The following RNF152 variants were observed in gnomAD, a reference collection of about 807,000 sequenced individuals.
RNF152 encodes the protein E3 ubiquitin-protein ligase RNF152.
A neutral mutation model predicts 12.7 loss-of-function variants in RNF152; 11 were observed. That is an observed-to-expected ratio of 0.86 (90% CI 0.54 to 1.43). RNF152 has a LOEUF of 1.43. RNF152 is among the 40% of genes most tolerant of loss of function. The pLI is 0.00. For missense variants in RNF152, 255 were observed against 274.8 expected, an observed-to-expected ratio of 0.93 and a Z score of 0.51; for synonymous variants, 113 against 120.3, an observed-to-expected ratio of 0.94 and a Z score of 0.40.
At chr18:61,839,681 G>T (rs953123603) in intron 1 of RNF152, among the ~76,000 whole-genome samples, 23 of 152,000 alleles carry the variant, frequency 1.5e-4, no homozygotes, top group African/African-American at 4.8e-4. Flanking sequence ...GGATCACAAG[G>T]TCGGGAGATC....
At chr18:61,886,176 T>C (rs555181268) in intron 1 of RNF152, among the ~76,000 whole-genome samples, 18 of 152,260 alleles carry the variant, frequency 1.2e-4, no homozygotes, top group African/African-American at 4.1e-4. Context: ...TCATTATTAA[T>C]GCAAGTAGGG....
chr18:61,888,628 G>A (rs979136577), intron 1 of RNF152: 1 of 152,188 alleles, frequency 6.6e-6, no homozygotes, highest in Admixed American at 6.5e-5. Flanking sequence ...ATGTCAGTAG[G>A]TGTATTAAAT....
At chr18:61,890,612 G>A (rs555614409) in intron 1 of RNF152, 12 of 152,298 alleles carry the variant, frequency 7.9e-5, no homozygotes, top group South Asian at 2.1e-4. Context: ...TTGCTGGTAC[G>A]TCACTGTTTA....
chr18:61,828,881 C>T (rs1400973541), intron 1 of RNF152, among the ~76,000 whole-genome samples: 2 of 152,244 alleles, frequency 1.3e-5, no homozygotes, highest in African/African-American at 2.4e-5. Context: ...TGTGAAGAAA[C>T]TACAGTCATG....
intron 1 of RNF152, among the ~76,000 whole-genome samples, chr18:61,847,440 C>A (rs950256324): frequency 2.6e-5 from 4 of 152,220 alleles, no homozygotes; most frequent in African/African-American, 7.2e-5. Flanking sequence ...TCTCTCAACT[C>A]AGAAAAAATT....
chr18:61,876,835 T>C (rs1257679621), intron 1 of RNF152, among the ~76,000 whole-genome samples: 2 of 152,168 alleles, frequency 1.3e-5, no homozygotes, highest in African/African-American at 4.8e-5. Context: ...TAAGTGTCAG[T>C]CTTATGCTCA....
intron 1 of RNF152, among the ~76,000 whole-genome samples, chr18:61,829,535 A>G (rs1172699364): frequency 2.0e-5 from 3 of 151,060 alleles, no homozygotes; most frequent in African/African-American, 7.3e-5. Flanking sequence ...GGAGAGAGAG[A>G]GAGAGAGATA....
intron 1 of RNF152, among the ~76,000 whole-genome samples, chr18:61,818,629 C>A (rs1259676042): frequency 6.6e-6 from 1 of 152,122 alleles, no homozygotes; most frequent in Non-Finnish European, 1.5e-5. Context: ...ACATAGCTAT[C>A]CACTAATTCA....
In RNF152 at chr18:61,811,739, T is replaced by G. The variant is rs1908811955; in HGVS notation, c.*4113A>C. The stretch of plus-strand genomic sequence containing the variant: ...GAAGTGAACAGGGATTTCATTAGGC[T>G]TTTTTTTTCCTGTAACATTTACTTT... On this transcript the variant is annotated 3_prime_UTR_variant, in exon 2 of 2. Transcript: ENST00000312828. The G allele has an allele frequency of 6.6e-6, 1 of 151,380 alleles. No individual in the cohort carries two copies. The highest frequency in any genetic ancestry group is 1.9e-4 in the East Asian group (1 of 5,168). The allele number at this position is 151,380 out of a possible 1,614,324, so 9.4% of individuals were successfully genotyped here.
At chr18:61,830,662 G>C (rs1211700754) in intron 1 of RNF152, among the ~76,000 whole-genome samples, 1 of 152,160 alleles carries the variant, frequency 6.6e-6, no homozygotes, top group Non-Finnish European at 1.5e-5. Flanking sequence ...ATTGGCAGAG[G>C]CTGAACTAAA....
chr18:61,891,050 T>G (rs903923552), intron 1 of RNF152, among the ~76,000 whole-genome samples: 3 of 152,092 alleles, frequency 2.0e-5, no homozygotes, highest in Non-Finnish European at 1.5e-5. Context: ...ATTTTGTGTC[T>G]CCCCCTACAC....
intron 1 of RNF152, among the ~76,000 whole-genome samples, chr18:61,845,807 T>C (rs1910717509): frequency 1.3e-5 from 2 of 152,150 alleles, no homozygotes; most frequent in African/African-American, 4.8e-5. Flanking sequence ...CATAAGTCTG[T>C]TCAAAAATGT....
At position 61,816,338 on chromosome 18, in the gene RNF152, C is replaced by T. The variant is rs969775497; in HGVS notation, c.126G>A (p.Met42Ile). 6 of 1,614,130 alleles carry T rather than the reference C, an allele frequency of 3.7e-6. No individual in the cohort carries two copies. Among genetic ancestry groups the T allele is most frequent in the African/African-American group, 1.3e-5 (1 of 74,944 alleles). ...HTCCSVCLQQMRTSQKDVRCP... is the reference protein window; with the variant it reads ...HTCCSVCLQQIRTSQKDVRCP... ...ACCGCACATCCTTCTGGCTGGTCCT[C>T]ATCTGCTGCAGGCACACTGAACAGC... The change falls in exon 2 of 2, where the codon ATG (methionine) becomes ATA (isoleucine). Residue 42 changes from methionine (M) to isoleucine (I), a missense_variant. Transcript: ENST00000312828.
intron 1 of RNF152, among the ~76,000 whole-genome samples, chr18:61,854,232 C>T (rs900297609): frequency 6.6e-6 from 1 of 152,168 alleles, no homozygotes; most frequent in Non-Finnish European, 1.5e-5. Flanking sequence ...TGGAAACTAA[C>T]CAAGCCTTTC....
chr18:61,848,676 C>A (rs554208712), intron 1 of RNF152, among the ~76,000 whole-genome samples: 2 of 152,310 alleles, frequency 1.3e-5, no homozygotes, highest in South Asian at 4.1e-4. Context: ...CCCTACTGAC[C>A]TCAGGGTGGA....
intron 1 of RNF152, among the ~76,000 whole-genome samples, chr18:61,846,432 T>G (rs1910747361): frequency 6.6e-6 from 1 of 152,160 alleles, no homozygotes; most frequent in Non-Finnish European, 1.5e-5. Flanking sequence ...ACATTGAGCC[T>G]CTGTTCATGT....
chr18:61,869,433 G>A (rs1911885820), intron 1 of RNF152, among the ~76,000 whole-genome samples: 1 of 152,156 alleles, frequency 6.6e-6, no homozygotes, highest in Admixed American at 6.5e-5. Context: ...AAGAGATTCT[G>A]TTACTGGAAA....
intron 1 of RNF152, among the ~76,000 whole-genome samples, chr18:61,874,628 C>T (rs1912135321): frequency 1.3e-5 from 2 of 152,126 alleles, no homozygotes; most frequent in African/African-American, 2.4e-5. Context: ...TGAGGTATAT[C>T]GGAGTTTATC....
intron 1 of RNF152, among the ~76,000 whole-genome samples, chr18:61,866,621 G>A (rs1281482367): frequency 6.6e-6 from 1 of 152,138 alleles, no homozygotes; most frequent in African/African-American, 2.4e-5. Flanking sequence ...ATCTCCATCA[G>A]TTACTTGCAC....
Sources: gnomAD v4.1 joint callset for allele counts (sites outside exome capture counted in the v4.1 genomes callset) on GRCh38, gnomAD v4.1.1 for gene constraint, MANE v1.5 for transcripts, NCBI Gene and HGNC (gene_info 2026-07-23, HGNC 2026-07-21) for gene names.